The following PHLPP1 variants were observed in gnomAD, a reference collection of about 807,000 sequenced individuals.
PHLPP1 encodes PH domain and leucine rich repeat protein phosphatase 1.
In PHLPP1, 42 loss-of-function variants were observed where a neutral mutation model predicts 117.2. That is an observed-to-expected ratio of 0.36 (90% CI 0.28 to 0.46). The LOEUF (loss-of-function observed/expected upper bound fraction) is 0.46, where lower values mean the gene tolerates loss of function less well. Among genes scored for constraint, PHLPP1 ranks in the 20% least tolerant of loss-of-function variants. PHLPP1 has a pLI of 1.00. For synonymous variants in PHLPP1, 1,042 were observed against 970.7 expected (o/e 1.07, Z -1.37); for missense variants, 2,084 against 2,241.9 (o/e 0.93, Z 1.42).
chr18:62,944,066 T>G (rs912552207), intron 11 of PHLPP1, among the ~76,000 whole-genome samples: 15 of 122,432 alleles, frequency 1.2e-4, no homozygotes, highest in Admixed American at 3.8e-4. Flanking sequence ...AATACAGTGG[T>G]TTTTTTTTGT....
rs1568109311 is a variant in PHLPP1, at chr18:62,766,073, A to AT, written c.1576+48814_1576+48815insT. ...TAGACTCCATCTCAAAAAAAAAAAAAAAAATATATATATATATATATATAT... is the reference window on the plus strand; with the variant it reads ...TAGACTCCATCTCAAAAAAAAAAAAATAAAATATATATATATATATATATAT... On this transcript the variant is annotated intron_variant, in intron 1 of 16. Coordinates refer to ENST00000262719, the MANE Select transcript of PHLPP1 (RefSeq NM_194449.4). Among the ~76,000 whole-genome samples the AT allele has an allele frequency of 1.3e-3, 74 of 55,350 alleles. 1 individual carries two copies. Among genetic ancestry groups the AT allele is most frequent in the East Asian group, 7.7e-3 (12 of 1,558 alleles). 36.3% of individuals were successfully genotyped at this position (55,350 alleles called of 152,430 possible).
rs763448679 is a variant in PHLPP1 at position 62,716,282 on chromosome 18, A to T, written c.599A>T (p.Gln200Leu). ...SDRDWVRHQL[Q>L]RGCVHVFDRH... ...CGGGACTGGGTGAGGCACCAGCTCC[A>T]GCGCGGCTGCGTGCACGTCTTCGAC... Residue 200 changes from glutamine to leucine, a missense_variant, in exon 1 of 17, where the codon CAG (glutamine) becomes CTG (leucine). This residue lies in a region of PHLPP1 where 719 missense variants were observed against 636.0 expected (regional missense o/e 1.13). Coordinates refer to ENST00000262719, the MANE Select transcript of PHLPP1 (RefSeq NM_194449.4). This position sits in a 1 kb window ranked among gnomAD's most constrained non-coding sequence, Gnocchi z 5.7. 1.3e-6 allele frequency: 2 copies of T among 1,531,110 alleles called. No individual in the cohort carries two copies. The highest frequency in any genetic ancestry group is 2.4e-5 in the South Asian group (2 of 83,294). 94.8% of individuals were successfully genotyped at this position (1,531,110 alleles called of 1,614,324 possible).
intron 10 of PHLPP1, among the ~76,000 whole-genome samples, chr18:62,922,269 C>T (rs1438154189): frequency 3.9e-5 from 6 of 152,002 alleles, no homozygotes; most frequent in Admixed American, 1.3e-4. Context: ...CCCAAATAGC[C>T]GGGATTACAG....
At chr18:62,748,698 A>C (rs761045235) in intron 1 of PHLPP1, among the ~76,000 whole-genome samples, 1 of 152,066 alleles carries the variant, frequency 6.6e-6, no homozygotes, top group African/African-American at 2.4e-5. Flanking sequence ...TACTTGGTAT[A>C]TATTTTTTCC....
At chr18:62,822,669 T>A (rs766098696) in intron 1 of PHLPP1, among the ~76,000 whole-genome samples, 7 of 152,214 alleles carry the variant, frequency 4.6e-5, no homozygotes, top group Non-Finnish European at 8.8e-5. Context: ...TCACCACTTC[T>A]GTTCAAGGTT....
chr18:62,856,360 TCTGACCTCATTGC>T (rs1915498494), intron 3 of PHLPP1, among the ~76,000 whole-genome samples: 1 of 152,092 alleles, frequency 6.6e-6, no homozygotes, highest in African/African-American at 2.4e-5. Flanking sequence ...CCCCTTACCT[TCTGACCTCATTGC>T]CAGTCACTGT....
rs1038055911 is a variant in PHLPP1 at position 62,749,739 on chromosome 18, T to C, written c.1576+32480T>C. 2.6e-5 allele frequency among the ~76,000 whole-genome samples: 4 copies of C among 152,240 alleles called. No individual in the cohort carries two copies. In the East Asian group the frequency reaches 7.7e-4, roughly 29 times the overall value. On this transcript the variant is annotated intron_variant, in intron 1 of 16. Transcript: ENST00000262719. The stretch of plus-strand genomic sequence containing the variant: ...CTTCTTATAAGAATACCAGTCAGGG[T>C]TGGGCGCGGTGGCTCATGCCTGTAA...
At chr18:62,873,767 T>G (rs749772213) in intron 4 of PHLPP1, among the ~76,000 whole-genome samples, 15 of 152,224 alleles carry the variant, frequency 9.9e-5, no homozygotes, top group Non-Finnish European at 1.9e-4. Flanking sequence ...TTAATTGATA[T>G]AAACAAGAGT....
chr18:62,964,665 G>A (rs1176410818), intron 14 of PHLPP1, among the ~76,000 whole-genome samples: 1 of 152,188 alleles, frequency 6.6e-6, no homozygotes, highest in East Asian at 1.9e-4. Context: ...TGCACAGTAT[G>A]TCATTGTGTT....
chr18:62,913,202 A>G (rs575126209), intron 8 of PHLPP1, among the ~76,000 whole-genome samples: 1 of 152,238 alleles, frequency 6.6e-6, no homozygotes, highest in Non-Finnish European at 1.5e-5. Flanking sequence ...AAGTTATTTT[A>G]TCACTTACAG....
At chr18:62,892,767 T>C (rs1055658936) in intron 4 of PHLPP1, among the ~76,000 whole-genome samples, 1 of 151,050 alleles carries the variant, frequency 6.6e-6, no homozygotes, top group African/African-American at 2.4e-5. Flanking sequence ...TCCCAACTAC[T>C]TGGGAGGCTG....
At chr18:62,777,988 T>C (rs573284660) in intron 1 of PHLPP1, among the ~76,000 whole-genome samples, 8 of 152,214 alleles carry the variant, frequency 5.3e-5, no homozygotes, top group Non-Finnish European at 1.0e-4. Context: ...TTCCCAAGAG[T>C]TGCCTAAATC....
chr18:62,824,195 G>A (rs1353958674), intron 1 of PHLPP1: 1 of 456,096 alleles, frequency 2.2e-6, no homozygotes. Context: ...ACTGGTGCTG[G>A]GGATGTAAAA....
At chr18:62,771,267 G>A (rs1322177037) in intron 1 of PHLPP1, among the ~76,000 whole-genome samples, 1 of 151,748 alleles carries the variant, frequency 6.6e-6, no homozygotes, top group Non-Finnish European at 1.5e-5. Flanking sequence ...CATCCATGTG[G>A]ATCATCTGAG....
chr18:62,733,142 A>G (rs1357682810), intron 1 of PHLPP1, among the ~76,000 whole-genome samples: 2 of 152,236 alleles, frequency 1.3e-5, no homozygotes, highest in African/African-American at 4.8e-5. Flanking sequence ...GTGCTATCAA[A>G]GAGAAATCTT....
intron 4 of PHLPP1, among the ~76,000 whole-genome samples, chr18:62,871,859 G>C (rs1366475152): frequency 6.6e-6 from 1 of 151,954 alleles, no homozygotes; most frequent in East Asian, 1.9e-4. Context: ...TGGCCAGGCT[G>C]GTCTTGAATT....
chr18:62,931,834 AC>A (rs1909818560), intron 10 of PHLPP1, among the ~76,000 whole-genome samples: 1 of 148,030 alleles, frequency 6.8e-6, no homozygotes, highest in Non-Finnish European at 1.5e-5. Context: ...GGCGGAGGTT[AC>A]AGTGAGCCGA....
At position 62,939,902 on chromosome 18, in the gene PHLPP1, C is replaced by CT. The variant is rs530634758; in HGVS notation, c.2961-1805dup. 4.8e-3 allele frequency among the ~76,000 whole-genome samples: 697 copies of CT among 143,936 alleles called. 15 individuals are homozygous for CT. In the South Asian group the frequency reaches 0.049, roughly 10 times the overall value. 94.4% of individuals were successfully genotyped at this position (143,936 alleles called of 152,430 possible). The stretch of plus-strand genomic sequence containing the variant: ...TATTCTTTTTAAGGATGATTTTATT[C>CT]TTTTTTTTTTTAACAGATGGCAGAA... On this transcript the variant is annotated intron_variant, in intron 10 of 16. Transcript: ENST00000262719.
chr18:62,895,049 A>G lies in PHLPP1; in HGVS notation c.2105A>G (p.His702Arg). 1 of 1,612,960 alleles carries G rather than the reference A, an allele frequency of 6.2e-7. No homozygotes were observed. Among genetic ancestry groups the G allele is most frequent in the Non-Finnish European group, 8.5e-7 (1 of 1,179,270 alleles). Reference sequence around the variant, plus strand: ...AAGAGTCTTAACCTTTCCAATAATCATTTAGGGGACTTCCCACTGGCAGTC... The same window carrying G: ...AAGAGTCTTAACCTTTCCAATAATCGTTTAGGGGACTTCCCACTGGCAGTC... Reference protein sequence around the residue: ...KLKSLNLSNNHLGDFPLAVCS... With the variant: ...KLKSLNLSNNRLGDFPLAVCS... Residue 702 changes from histidine to arginine, a missense_variant, in exon 5 of 17, where the codon CAT becomes CGT. By Grantham distance (29) the His-to-Arg change is conservative (BLOSUM62 0). Around this residue, in one of 2 missense-constraint regions of PHLPP1, gnomAD observed 1,365 missense variants for 1,605.9 expected, o/e 0.85. Coordinates refer to ENST00000262719, the MANE Select transcript of PHLPP1 (RefSeq NM_194449.4).
Sources: allele counts gnomAD v4.1 joint callset (sites outside exome capture counted in the v4.1 genomes callset), GRCh38; gene constraint gnomAD v4.1.1; regional missense constraint gnomAD v4.1.1; non-coding constraint Gnocchi (gnomAD v3.1); transcripts MANE v1.5; gene names NCBI Gene and HGNC (gene_info 2026-07-23, HGNC 2026-07-21).